The following MEMO1 variants were observed in gnomAD, a reference collection of about 807,000 sequenced individuals.
MEMO1 encodes the protein protein MEMO1.
In MEMO1, 6 loss-of-function variants were observed where a neutral mutation model predicts 45.2. The ratio of observed to expected loss-of-function variants is 0.13; its 90% CI spans 0.07 to 0.26. The LOEUF (loss-of-function observed/expected upper bound fraction) is 0.26. MEMO1 is among the 10% of genes least tolerant of loss of function. The probability of loss-of-function intolerance (pLI) is 1.00; values close to 1 mark genes in which losing one functional copy is unlikely to be tolerated. For missense variants in MEMO1, 184 were observed against 370.5 expected (o/e 0.50, Z 4.13); for synonymous variants, 78 against 124.3 (o/e 0.63, Z 2.48).
intron 2 of MEMO1, among the ~76,000 whole-genome samples, chr2:32,008,161 AAAG>A (rs1178756228): frequency 1.3e-4 from 20 of 152,322 alleles, no homozygotes; most frequent in African/African-American, 4.8e-4. Context: ...TTAGAATACC[AAAG>A]AAGTCTTTCC....
intron 2 of MEMO1, among the ~76,000 whole-genome samples, chr2:31,986,775 A>G (rs998021506): frequency 2.6e-5 from 4 of 152,214 alleles, no homozygotes; most frequent in Admixed American, 1.3e-4. Context: ...ACAAACAGAA[A>G]TATTTACTTC....
chr2:31,919,652 C>G (rs1305708713), intron 5 of MEMO1, among the ~76,000 whole-genome samples: 1 of 151,928 alleles, frequency 6.6e-6, no homozygotes, highest in Non-Finnish European at 1.5e-5. Flanking sequence ...GACCCTACCT[C>G]TACCAAAAAA....
intron 2 of MEMO1, among the ~76,000 whole-genome samples, chr2:31,965,644 A>C (rs1460610554): frequency 6.6e-6 from 1 of 152,208 alleles, no homozygotes; most frequent in Non-Finnish European, 1.5e-5. Flanking sequence ...ATGAGGATAA[A>C]AAGGAATGAG....
chr2:31,989,058 T>A (rs1016587669), intron 2 of MEMO1, among the ~76,000 whole-genome samples: 1 of 151,264 alleles, frequency 6.6e-6, no homozygotes, highest in African/African-American at 2.4e-5. Flanking sequence ...AATACAAAAT[T>A]AGCCAGGCAT....
intron 2 of MEMO1, among the ~76,000 whole-genome samples, chr2:31,979,287 G>C (rs1040318911): frequency 6.6e-6 from 1 of 152,168 alleles, no homozygotes; most frequent in Admixed American, 6.5e-5. Context: ...TACAATTCAA[G>C]ATAAGATTTG....
intron 3 of MEMO1, among the ~76,000 whole-genome samples, chr2:31,933,223 G>A (rs1270795877): frequency 6.8e-6 from 1 of 148,046 alleles, no homozygotes; most frequent in South Asian, 2.2e-4. Flanking sequence ...AAGAGGCTGA[G>A]GCAGGAGGAT....
In MEMO1 at chr2:31,892,034, G is replaced by C. The variant is rs1677063335; in HGVS notation, c.538C>G (p.Pro180Ala). The C allele has an allele frequency of 1.2e-6, 2 of 1,611,990 alleles. No individual in the cohort carries two copies. Among genetic ancestry groups the C allele is most frequent in the East Asian group, 2.2e-5 (1 of 44,790 alleles). ...GKLFSKYLAD[P>A]SNLFVVSSDF... ...GAAGAAACCACAAAGAGATTACTAG[G>C]ATCCGCTAGATATTTACTGAAGAGT... The change falls in exon 7 of 10, where the codon CCT (proline) becomes GCT (alanine). Residue 180 changes from proline (P) to alanine (A), a missense_variant. This residue lies in a region of MEMO1 where 97 missense variants were observed against 209.3 expected (regional missense o/e 0.46). Coordinates refer to ENST00000404530, the MANE Select transcript of MEMO1 (RefSeq NM_001301833.4).
At chr2:32,004,926 CA>C (rs770361983) in intron 2 of MEMO1, among the ~76,000 whole-genome samples, 1,235 of 108,428 alleles carry the variant, frequency 0.011, 8 homozygotes, top group African/African-American at 0.032. Context: ...GACCCCGTTT[CA>C]AAAAAAAAAA....
intron 3 of MEMO1, 133 bp from the exon 4 acceptor site, chr2:31,932,268 T>C (rs1664272251): frequency 3.1e-6 from 2 of 649,386 alleles, no homozygotes; most frequent in South Asian, 2.4e-5. Flanking sequence ...AATAACAATG[T>C]AGTTAATGAT....
At chr2:31,910,818 C>T (rs1163303853) in intron 6 of MEMO1, among the ~76,000 whole-genome samples, 3 of 152,048 alleles carry the variant, frequency 2.0e-5, no homozygotes, top group Middle Eastern at 3.2e-3. Context: ...CAAGATTGTG[C>T]ACCCCTGCAC....
At chr2:31,902,040 G>A (rs1428344278) in intron 6 of MEMO1, among the ~76,000 whole-genome samples, 1 of 152,138 alleles carries the variant, frequency 6.6e-6, no homozygotes, top group African/African-American at 2.4e-5. Context: ...TCGGGAAGCT[G>A]AGGTGGGAGG....
chr2:31,898,080 CTG>C (rs1297892595), intron 6 of MEMO1, among the ~76,000 whole-genome samples: 2 of 151,710 alleles, frequency 1.3e-5, no homozygotes, highest in East Asian at 3.8e-4. Context: ...TCATTTTTTA[CTG>C]TGTCTCTTTG....
chr2:31,871,404 A>G (rs1245327393), intron 8 of MEMO1, among the ~76,000 whole-genome samples: 1 of 152,168 alleles, frequency 6.6e-6, no homozygotes, highest in Non-Finnish European at 1.5e-5. Flanking sequence ...GTAACATAGA[A>G]ATTTTACAGT....
At chr2:31,966,991 T>C (rs1238327667) in intron 2 of MEMO1, among the ~76,000 whole-genome samples, 1 of 152,186 alleles carries the variant, frequency 6.6e-6, no homozygotes, top group Non-Finnish European at 1.5e-5. Context: ...CAGGACTTTG[T>C]TCTATAAAGG....
chr2:32,002,781 C>A (rs1345873261), intron 2 of MEMO1, among the ~76,000 whole-genome samples: 1 of 152,036 alleles, frequency 6.6e-6, no homozygotes, highest in Non-Finnish European at 1.5e-5. Context: ...GACAAAAACT[C>A]AAAAGCAGTT....
intron 8 of MEMO1, among the ~76,000 whole-genome samples, chr2:31,871,360 T>A (rs1673699071): frequency 6.6e-6 from 1 of 152,170 alleles, no homozygotes; most frequent in Non-Finnish European, 1.5e-5. Context: ...CTGTTAAAAG[T>A]AAAAGTCATC....
chr2:31,937,096 T>C (rs1462918742), intron 3 of MEMO1, among the ~76,000 whole-genome samples: 2 of 152,200 alleles, frequency 1.3e-5, no homozygotes, highest in Non-Finnish European at 2.9e-5. Context: ...GCTTCCACAT[T>C]GCCTCTCTCA....
intron 2 of MEMO1, among the ~76,000 whole-genome samples, chr2:31,982,612 C>A (rs538412124): frequency 1.4e-5 from 2 of 147,470 alleles, no homozygotes; most frequent in South Asian, 2.1e-4. Flanking sequence ...AAAAAAGATA[C>A]GTATGAAGTT....
chr2:32,007,389 C>T lies in MEMO1; in HGVS notation c.61+2798G>A, dbSNP rs1363226603. Among the ~76,000 whole-genome samples the T allele has an allele frequency of 2.0e-5, 3 of 152,138 alleles. No individual in the cohort carries two copies. The East Asian group carries it at 5.8e-4, about 29-fold the overall frequency. On this transcript the variant is annotated intron_variant, in intron 2 of 9. Transcript: ENST00000404530. ...TCTCAACTTACTTGATATTTATTTG[C>T]TGCCCTAAAAGTTCTTACTTACTTC...
Sources: gnomAD v4.1 joint callset for allele counts (sites outside exome capture counted in the v4.1 genomes callset) on GRCh38, gnomAD v4.1.1 for gene constraint, gnomAD v4.1.1 regional missense constraint, MANE v1.5 for transcripts, NCBI Gene and HGNC (gene_info 2026-07-23, HGNC 2026-07-21) for gene names.